Variants in SLC9A3 observed in about 807,000 individuals in gnomAD.
SLC9A3 encodes solute carrier family 9 member A3.
In SLC9A3, 37 loss-of-function variants were observed where a neutral mutation model predicts 86.8. That is an observed-to-expected ratio of 0.43 (90% confidence interval 0.33 to 0.56). The LOEUF (loss-of-function observed/expected upper bound fraction) is 0.56. Among genes scored for constraint, SLC9A3 ranks in the 20% least tolerant of loss-of-function variants. The probability of loss-of-function intolerance (pLI) is 0.06; values close to 1 mark genes in which losing one functional copy is unlikely to be tolerated. For missense variants in SLC9A3, 1,011 were observed against 1,171.9 expected, an observed-to-expected ratio of 0.86 and a Z score of 2.00; for synonymous variants, 581 against 528.3, an observed-to-expected ratio of 1.10 and a Z score of -1.37.
intron 6 of SLC9A3, among the ~76,000 whole-genome samples, chr5:482,982 G>T (rs1463663795): frequency 1.3e-5 from 2 of 151,802 alleles, no homozygotes; most frequent in African/African-American, 4.8e-5. Flanking sequence ...TGGGGGATGG[G>T]GCTGGGCGGG....
chr5:473,207 C>G lies in SLC9A3; in HGVS notation c.*172G>C, dbSNP rs2126598424. 1 of 696,680 alleles carries G rather than the reference C, an allele frequency of 1.4e-6. No homozygotes were observed. The highest frequency in any genetic ancestry group is 3.7e-5 in the East Asian group (1 of 27,254). 43.2% of individuals were successfully genotyped at this position (696,680 alleles called of 1,614,324 possible). A position where few individuals can be genotyped will look rare whatever the true frequency, so the allele number is the denominator to read the frequency against. On this transcript the variant is annotated 3_prime_UTR_variant, in exon 17 of 17. Coordinates refer to ENST00000264938, the MANE Select transcript of SLC9A3 (RefSeq NM_004174.4). Reference sequence around the variant, plus strand: ...CCTCGGGCGGCTCTGCGGGCGCAGGCGCGGCACTCTCGGAGTTCTGCGCAG... The same window carrying G: ...CCTCGGGCGGCTCTGCGGGCGCAGGGGCGGCACTCTCGGAGTTCTGCGCAG...
rs755783929 is a variant in SLC9A3 at position 476,594 on chromosome 5, G to A, written c.1839C>T (p.Asp613=). The A allele has an allele frequency of 3.7e-6, 6 of 1,611,062 alleles. No individual in the cohort carries two copies. In the South Asian group the frequency reaches 6.6e-5, roughly 18 times the overall value. Residue 613 remains aspartate, a synonymous_variant, in exon 12 of 17, where the codon GAC becomes GAT. Transcript: ENST00000264938. The stretch of plus-strand genomic sequence containing the variant: ...GCTGTAGCGTGTGGTGCGTGACCAT[G>A]TCCTCCGCGTCCCGGATGCTCCGCC... ...QRRRSIRDAE[D]MVTHHTLQQY...
chr5:514,973 G>T (rs1044809545), intron 1 of SLC9A3, among the ~76,000 whole-genome samples: 12 of 152,136 alleles, frequency 7.9e-5, no homozygotes, highest in African/African-American at 2.9e-4. Context: ...AGCCAGATAG[G>T]GGGTCCCGGC....
chr5:513,420 C>G (rs573683124), intron 1 of SLC9A3, among the ~76,000 whole-genome samples: 2 of 152,292 alleles, frequency 1.3e-5, no homozygotes, highest in South Asian at 4.1e-4. Flanking sequence ...GAGCCCCCAC[C>G]CCCTGCTCTA....
chr5:520,849 T>C (rs2126660992), intron 1 of SLC9A3, among the ~76,000 whole-genome samples: 1 of 151,826 alleles, frequency 6.6e-6, no homozygotes, highest in Non-Finnish European at 1.5e-5. Flanking sequence ...TGGCAGTCTC[T>C]GCAAGGCACA....
At chr5:489,911 T>G (rs895758276) in intron 2 of SLC9A3, among the ~76,000 whole-genome samples, 2 of 152,240 alleles carry the variant, frequency 1.3e-5, no homozygotes, top group Admixed American at 1.3e-4. Context: ...CACCACGTGC[T>G]TTGCCTGTGC....
At chr5:506,907 T>C (rs1197118527) in intron 1 of SLC9A3, among the ~76,000 whole-genome samples, 1 of 145,882 alleles carries the variant, frequency 6.9e-6, no homozygotes, top group African/African-American at 2.5e-5. Flanking sequence ...AAAAAAAAAA[T>C]ACAAAATACA....
At position 491,981 on chromosome 5, in the gene SLC9A3, G is replaced by A. The variant is rs368556738; in HGVS notation, c.302C>T (p.Ala101Val). The change falls in exon 2 of 17, where the codon GCG becomes GTG. Residue 101 changes from alanine to valine, a missense_variant. Transcript: ENST00000264938. The surrounding 1 kb of genome is among the most constrained non-coding windows in gnomAD (Gnocchi z 9.2). The stretch of plus-strand genomic sequence containing the variant: ...TGTGAAGGACGCGATGTGGTCGGCC[G>A]CCCAGACGATGCCGCCCAGCACCAG... ...LGLVLGGIVW[A>V]ADHIASFTLT... is the part of the protein sequence containing the mutation. The A allele has an allele frequency of 8.1e-6, 13 of 1,603,878 alleles. No individual in the cohort carries two copies. Among genetic ancestry groups the A allele is most frequent in the East Asian group, 4.5e-5 (2 of 44,394 alleles).
chr5:480,005 GC>G, intron 9 of SLC9A3, 40 bp from the exon 10 acceptor site: 1 of 1,594,492 alleles, frequency 6.3e-7, no homozygotes, highest in South Asian at 1.1e-5. Context: ...CAGGTGACAG[GC>G]GCCCTAGAGC....
intron 10 of SLC9A3, 195 bp downstream of exon 10, chr5:479,641 G>A: frequency 1.7e-6 from 1 of 584,972 alleles, no homozygotes; most frequent in East Asian, 2.9e-5. Flanking sequence ...CCAGGACTCT[G>A]TGACTCAGTT....
intron 2 of SLC9A3, among the ~76,000 whole-genome samples, chr5:490,330 G>C (rs1346535864): frequency 9.2e-6 from 1 of 109,102 alleles, no homozygotes; most frequent in Non-Finnish European, 2.0e-5. Context: ...GGGGTGGAGT[G>C]CAGCGTGGCG....
intron 11 of SLC9A3, chr5:477,102 C>T (rs1211629418): frequency 1.2e-5 from 6 of 518,334 alleles, no homozygotes; most frequent in African/African-American, 1.9e-5. Flanking sequence ...TCAGGCCTGG[C>T]CCCCAGTCCG....
intron 1 of SLC9A3, among the ~76,000 whole-genome samples, chr5:520,909 G>T (rs1364337972): frequency 3.3e-5 from 5 of 152,154 alleles, no homozygotes; most frequent in African/African-American, 1.2e-4. Flanking sequence ...CTGGCCCAGG[G>T]TTCCCAACAC....
intron 10 of SLC9A3, chr5:479,032 G>C (rs527238625): frequency 7.8e-5 from 12 of 153,664 alleles, no homozygotes; most frequent in African/African-American, 2.9e-4. Context: ...CTGGCCCTCT[G>C]TGTGAGGGTC....
rs1439286974 is a variant in SLC9A3, at chr5:484,146, C to T, written c.932+374G>A. On this transcript the variant is annotated intron_variant, in intron 5 of 16. Coordinates refer to ENST00000264938, the MANE Select transcript of SLC9A3 (RefSeq NM_004174.4). The stretch of plus-strand genomic sequence containing the variant: ...CGGGTTGGGGTCCCCCTGGCTGGCT[C>T]GCCCCGCCGGACCCAGGAGGGTGTG... 8.6e-4 allele frequency among the ~76,000 whole-genome samples: 108 copies of T among 125,156 alleles called. 1 individual carries two copies. Among genetic ancestry groups the T allele is most frequent in the Admixed American group, 8.7e-4 (11 of 12,642 alleles). The allele number at this position is 125,156 out of a possible 152,430, so 82.1% of individuals were successfully genotyped here. A position where few individuals can be genotyped will look rare whatever the true frequency, so the allele number is the denominator to read the frequency against.
At position 497,910 on chromosome 5, in the gene SLC9A3, G is replaced by A. The variant is rs1740100013; in HGVS notation, c.212-5839C>T. On this transcript the variant is annotated intron_variant, in intron 1 of 16. Coordinates refer to ENST00000264938, the MANE Select transcript of SLC9A3 (RefSeq NM_004174.4). This position sits in a 1 kb window ranked among gnomAD's most constrained non-coding sequence, Gnocchi z 5.4. ...CTGTCCCGGGTGGGGTCGCCCGGCC[G>A]CATCCCCAGCCTCTGCCCTCCGACA... is the stretch of plus-strand genomic sequence containing the variant. 6.6e-6 allele frequency among the ~76,000 whole-genome samples: 1 copy of A among 150,760 alleles called. No homozygotes were observed. Among genetic ancestry groups the A allele is most frequent in the Non-Finnish European group, 1.5e-5 (1 of 67,598 alleles).
chr5:475,774 C>A (rs901063815), intron 14 of SLC9A3, 103 bp from the exon 15 acceptor site: 2 of 752,080 alleles, frequency 2.7e-6, no homozygotes, highest in Non-Finnish European at 4.6e-6. Context: ...TGCAGGCAGT[C>A]GGGACCCACA....
At chr5:477,542 G>A (rs375112316) in intron 10 of SLC9A3, 98 bp from the exon 11 acceptor site, 240 of 790,060 alleles carry the variant, frequency 3.0e-4, no homozygotes, top group Middle Eastern at 2.1e-3. Context: ...CTCGGGGCCC[G>A]GGGAAAGCCT....
chr5:482,352 C>G (rs574107448), intron 7 of SLC9A3, among the ~76,000 whole-genome samples, 195 bp from the exon 8 acceptor site: 1 of 152,110 alleles, frequency 6.6e-6, no homozygotes, highest in Non-Finnish European at 1.5e-5. Context: ...AGCGAAGGCC[C>G]GGGAAGAACA....
Sources: gnomAD v4.1 joint callset for allele counts (sites outside exome capture counted in the v4.1 genomes callset) on GRCh38, gnomAD v4.1.1 for gene constraint, Gnocchi (gnomAD v3.1) non-coding constraint, MANE v1.5 for transcripts, NCBI Gene and HGNC (gene_info 2026-07-23, HGNC 2026-07-21) for gene names.